The following PCDHGB1 variants were observed in gnomAD, a reference collection of about 807,000 sequenced individuals.
PCDHGB1 encodes the protein protocadherin gamma-B1.
In PCDHGB1, 34 loss-of-function variants were observed where a neutral mutation model predicts 56.6. The ratio of observed to expected loss-of-function variants is 0.60; its 90% confidence interval spans 0.46 to 0.80. The LOEUF is 0.80. Ranked by LOEUF, PCDHGB1 falls within the 30% of genes least tolerant of loss-of-function variation. The probability of loss-of-function intolerance (pLI) is 0.00; values close to 1 mark genes in which losing one functional copy is unlikely to be tolerated. For synonymous variants in PCDHGB1, 561 were observed against 505.9 expected (o/e 1.11, Z -1.46); for missense variants, 1,278 against 1,204.6 (o/e 1.06, Z -0.90).
At chr5:141,504,842 A>G (rs944461166) in intron 2 of PCDHGB1, among the ~76,000 whole-genome samples, 7 of 151,968 alleles carry the variant, frequency 4.6e-5, no homozygotes, top group African/African-American at 1.7e-4. Context: ...CTAGCTCTGG[A>G]ACATTCTCTT....
At chr5:141,510,653 T>G (rs1388568365) in intron 3 of PCDHGB1, among the ~76,000 whole-genome samples, 1 of 152,184 alleles carries the variant, frequency 6.6e-6, no homozygotes, top group Non-Finnish European at 1.5e-5. Context: ...ATCCCCATTT[T>G]GCAGATGAGA....
At chr5:141,414,088 A>G in intron 1 of PCDHGB1, 3 of 1,599,384 alleles carry the variant, frequency 1.9e-6, no homozygotes, top group Non-Finnish European at 8.5e-7. Context: ...TACTGGAGAA[A>G]TAAAAATATC....
At chr5:141,360,270 G>C (rs1761507525) in intron 1 of PCDHGB1, 4 of 1,613,904 alleles carry the variant, frequency 2.5e-6, no homozygotes, top group South Asian at 1.1e-5. Context: ...CCAAAAACTC[G>C]GTCGTAGGAA....
intron 1 of PCDHGB1, chr5:141,376,103 G>T (rs1035502137): frequency 3.1e-6 from 5 of 1,613,624 alleles, no homozygotes; most frequent in African/African-American, 2.7e-5. Context: ...CATCCTGGCC[G>T]ACCTGGGCAG....
chr5:141,410,549 G>T, intron 1 of PCDHGB1: 1 of 1,613,438 alleles, frequency 6.2e-7, no homozygotes, highest in East Asian at 2.2e-5. Context: ...GGTTTGCAGT[G>T]TTTCTCCTGG....
At position 141,454,320 on chromosome 5, in the gene PCDHGB1, C is replaced by T. The variant is rs140074578; in HGVS notation, c.2410-40487C>T. ...CAGATATTTCAAAGCATTGAAACCTCCAAGAATAAATAAAATGTTGGAAGT... is the reference window on the plus strand; with the variant it reads ...CAGATATTTCAAAGCATTGAAACCTTCAAGAATAAATAAAATGTTGGAAGT... On this transcript the variant is annotated intron_variant, in intron 1 of 3. Coordinates refer to ENST00000523390, the MANE Select transcript of PCDHGB1 (RefSeq NM_018922.3). Among the ~76,000 whole-genome samples, 592 of 152,266 alleles carry T rather than the reference C, an allele frequency of 3.9e-3. 6 individuals are homozygous for T. Among genetic ancestry groups the T allele is most frequent in the Admixed American group, 0.011 (171 of 15,288 alleles).
chr5:141,383,197 G>C lies in PCDHGB1; in HGVS notation c.2409+30528G>C, dbSNP rs184479480. ...CCGGGAAGAGATCTGCGCTCAGAGTGCGCGGTGTCTGGTAAACTTTAACAT... is the reference window on the plus strand; with the variant it reads ...CCGGGAAGAGATCTGCGCTCAGAGTCCGCGGTGTCTGGTAAACTTTAACAT... On this transcript the variant is annotated intron_variant, in intron 1 of 3. Transcript: ENST00000523390. 7.4e-4 allele frequency: 1,202 copies of C among 1,614,034 alleles called. 10 individuals are homozygous for C. The African/African-American group carries it at 0.015, about 20-fold the overall frequency.
chr5:141,497,031 A>G (rs898409925), intron 2 of PCDHGB1, among the ~76,000 whole-genome samples: 14 of 152,184 alleles, frequency 9.2e-5, no homozygotes, highest in African/African-American at 3.4e-4. Context: ...TCGATTAAAA[A>G]TACAAAAATT....
intron 2 of PCDHGB1, among the ~76,000 whole-genome samples, chr5:141,500,939 G>T (rs2099804123): frequency 6.6e-6 from 1 of 151,680 alleles, no homozygotes; most frequent in South Asian, 2.1e-4. Context: ...CGCCATCTCG[G>T]CTCACTGCAA....
intron 1 of PCDHGB1, chr5:141,382,935 A>C: frequency 6.3e-7 from 1 of 1,589,148 alleles, no homozygotes; most frequent in Non-Finnish European, 8.6e-7. Flanking sequence ...ACTACAGAGG[A>C]TTCTTCCTGC....
At chr5:141,505,576 T>C in intron 3 of PCDHGB1, 95 bp downstream of exon 3, 5 of 1,590,334 alleles carry the variant, frequency 3.1e-6, no homozygotes, top group Admixed American at 1.7e-5. Context: ...ATGTCAAACC[T>C]GTGTAGTTTC....
chr5:141,408,806 C>A (rs1368887332), intron 1 of PCDHGB1: 2 of 1,612,894 alleles, frequency 1.2e-6, no homozygotes, highest in African/African-American at 1.3e-5. Flanking sequence ...ACTCCTAGAC[C>A]GGGAAGAACA....
intron 1 of PCDHGB1, chr5:141,398,897 C>T (rs761364649): frequency 1.2e-6 from 2 of 1,613,932 alleles, no homozygotes; most frequent in Non-Finnish European, 1.7e-6. Context: ...AACGTGCCAC[C>T]AGGCACCACT....
intron 1 of PCDHGB1, among the ~76,000 whole-genome samples, chr5:141,469,716 A>G (rs1189597018): frequency 3.9e-5 from 6 of 152,260 alleles, no homozygotes; most frequent in African/African-American, 1.4e-4. Context: ...CACTATTAGG[A>G]ATTTATCATA....
chr5:141,397,876 C>A (rs2093580679), intron 1 of PCDHGB1: 1 of 579,756 alleles, frequency 1.7e-6, no homozygotes, highest in East Asian at 2.9e-5. Flanking sequence ...TGACTCTGGG[C>A]GCCGCTGTTG....
At chr5:141,459,236 G>A (rs1248794102) in intron 1 of PCDHGB1, among the ~76,000 whole-genome samples, 2 of 152,176 alleles carry the variant, frequency 1.3e-5, no homozygotes, top group African/African-American at 2.4e-5. Context: ...CAACTGGTCT[G>A]CTTCCTGTCA....
intron 1 of PCDHGB1, chr5:141,375,967 G>A (rs200712802): frequency 2.6e-5 from 42 of 1,613,250 alleles, no homozygotes; most frequent in Non-Finnish European, 3.5e-5. Flanking sequence ...AGGTGCGCAC[G>A]GCGCGCGCCC....
rs1561498840 is a variant in PCDHGB1, at chr5:141,350,936, TGGATCCGAGTTAC to T, written c.681_693del (p.Ile227MetfsTer31). ...GCCTCTAAGCGGCACCACCCATATC[TGGATCCGAGTTAC>T]GGATGCCAATGATAATGCTCCCGTG... is the stretch of plus-strand genomic sequence containing the variant. On this transcript the variant is annotated frameshift_variant, in exon 1 of 4. Transcript: ENST00000523390. LOFTEE classifies it high-confidence loss of function. 6.2e-7 allele frequency: 1 copy of T among 1,614,102 alleles called. No individual in the cohort carries two copies. The highest frequency in any genetic ancestry group is 8.5e-7 in the Non-Finnish European group (1 of 1,179,912).
intron 1 of PCDHGB1, among the ~76,000 whole-genome samples, chr5:141,380,646 A>T (rs1221627488): frequency 6.6e-6 from 1 of 152,256 alleles, no homozygotes; most frequent in Non-Finnish European, 1.5e-5. Context: ...AATGCTAGAG[A>T]CAATGAAGCC....
Sources: allele counts gnomAD v4.1 joint callset (sites outside exome capture counted in the v4.1 genomes callset), GRCh38; gene constraint gnomAD v4.1.1; transcripts MANE v1.5; gene names NCBI Gene and HGNC (gene_info 2026-07-23, HGNC 2026-07-21).